Variants in CECR2 observed in about 807,000 individuals in gnomAD.
CECR2 encodes CECR2 histone acetyl-lysine reader.
CECR2 carries 30 observed loss-of-function variants against 154.5 expected under a neutral mutation model. The ratio of observed to expected loss-of-function variants is 0.19; its 90% CI spans 0.15 to 0.26. CECR2 has a LOEUF of 0.26. CECR2 is among the 10% of genes least tolerant of loss of function. The pLI is 1.00. For missense variants in CECR2, 1,743 were observed against 1,829.3 expected, an observed-to-expected ratio of 0.95 and a Z score of 0.86; for synonymous variants, 725 against 683.7, an observed-to-expected ratio of 1.06 and a Z score of -0.94.
intron 1 of CECR2, among the ~76,000 whole-genome samples, chr22:17,375,510 G>A (rs2063108179): frequency 6.6e-6 from 1 of 152,148 alleles, no homozygotes; most frequent in Non-Finnish European, 1.5e-5. Context: ...GCTTTTTAGT[G>A]CAATGAGACA....
intron 1 of CECR2, among the ~76,000 whole-genome samples, chr22:17,398,832 A>G (rs1367855163): frequency 1.3e-5 from 2 of 152,236 alleles, no homozygotes; most frequent in Admixed American, 6.5e-5. Context: ...TGGTAGTTAC[A>G]TTACAAAACA....
chr22:17,491,055 CTTCA>C (rs142280714), intron 2 of CECR2, among the ~76,000 whole-genome samples: 21,225 of 152,144 alleles, frequency 0.14, 1,810 homozygotes, highest in Non-Finnish European at 0.19. Flanking sequence ...TGAATCAGTA[CTTCA>C]TTCATTTTTA....
intron 1 of CECR2, among the ~76,000 whole-genome samples, chr22:17,440,204 A>G (rs533604536): frequency 6.7e-6 from 1 of 148,752 alleles, no homozygotes; most frequent in Admixed American, 6.8e-5. Context: ...AATTTATATA[A>G]AACTGTGTGT....
chr22:17,428,008 T>A (rs994023871), intron 1 of CECR2, among the ~76,000 whole-genome samples: 3 of 152,224 alleles, frequency 2.0e-5, no homozygotes, highest in African/African-American at 7.2e-5. Context: ...GACTTTTTAA[T>A]GATCGCCATT....
At chr22:17,479,092 A>T (rs1158690164) in intron 2 of CECR2, among the ~76,000 whole-genome samples, 1 of 152,202 alleles carries the variant, frequency 6.6e-6, no homozygotes. Context: ...CTGACAAGTT[A>T]TGTCTAGCTT....
intron 1 of CECR2, among the ~76,000 whole-genome samples, chr22:17,440,950 G>C (rs949063926): frequency 4.0e-5 from 6 of 151,626 alleles, no homozygotes; most frequent in East Asian, 1.9e-4. Context: ...ACTGTTTTTG[G>C]GGGGGAGGGG....
rs546071652 is a variant in CECR2, at chr22:17,542,966, G to A, written c.2823G>A (p.Pro941=). Residue 941 remains proline, a synonymous_variant, in exon 16 of 19, where the codon CCG becomes CCA. Coordinates refer to ENST00000262608, the MANE Select transcript of CECR2 (RefSeq NM_001290047.2). ...CCCTGGGCAACCCTGGGAGGGCACC[G>A]GAGAACAGTGAAGCACAAGAGCCTG... The part of the protein sequence containing the change: ...KPALGNPGRA[P]ENSEAQEPEN... The A allele has an allele frequency of 3.2e-5, 51 of 1,612,508 alleles. No homozygotes were observed. The highest frequency in any genetic ancestry group is 1.5e-4 in the African/African-American group (11 of 75,026).
chr22:17,392,993 TC>T (rs1291747244), intron 1 of CECR2, among the ~76,000 whole-genome samples: 1 of 152,202 alleles, frequency 6.6e-6, no homozygotes, highest in Non-Finnish European at 1.5e-5. Flanking sequence ...TCAGTTGAGA[TC>T]ACGCCACTGC....
intron 1 of CECR2, among the ~76,000 whole-genome samples, chr22:17,441,189 TC>T (rs1242161851): frequency 2.0e-5 from 3 of 152,166 alleles, no homozygotes; most frequent in African/African-American, 2.4e-5. Context: ...CCTCAGGTGA[TC>T]CGCCTGCCTT....
intron 1 of CECR2, among the ~76,000 whole-genome samples, chr22:17,456,932 G>A (rs548443917): frequency 4.6e-5 from 7 of 152,184 alleles, no homozygotes; most frequent in Non-Finnish European, 7.4e-5. Flanking sequence ...TAGAATAAGG[G>A]TAGAGTTTCA....
intron 1 of CECR2, among the ~76,000 whole-genome samples, chr22:17,405,526 G>A (rs2053969904): frequency 6.7e-6 from 1 of 149,924 alleles, no homozygotes; most frequent in African/African-American, 2.4e-5. Context: ...TGTGATCCCA[G>A]CTACTCCAGA....
intron 1 of CECR2, among the ~76,000 whole-genome samples, chr22:17,363,535 G>A (rs1435495715): frequency 2.0e-5 from 3 of 151,824 alleles, no homozygotes; most frequent in African/African-American, 7.3e-5. Context: ...CAAAGACAGG[G>A]TTTCACTATG....
At chr22:17,429,539 C>CCAAA (rs1555908465) in intron 1 of CECR2, among the ~76,000 whole-genome samples, 1 of 121,012 alleles carries the variant, frequency 8.3e-6, no homozygotes, top group African/African-American at 3.6e-5. Flanking sequence ...CCATCTCTAC[C>CCAAA]AAAAACAAAA....
rs376789433 is a variant in CECR2, at chr22:17,542,556, C to T, written c.2413C>T (p.Leu805Phe). The change falls in exon 16 of 19, where the codon CTC becomes TTC. Residue 805 changes from leucine (L) to phenylalanine (F), a missense_variant. This residue lies in a region of CECR2 where 1,250 missense variants were observed against 1,192.1 expected (regional missense o/e 1.05). Transcript: ENST00000262608. The part of the protein sequence containing the change: ...GPGPSHQPRT[L>F]GHVMDSRVMR... ...AGGACCCTCTCACCAGCCTCGCACTCTCGGTCACGTGATGGATTCCCGAGT... is the reference window on the plus strand; with the variant it reads ...AGGACCCTCTCACCAGCCTCGCACTTTCGGTCACGTGATGGATTCCCGAGT... 1.9e-6 allele frequency: 3 copies of T among 1,614,030 alleles called. No homozygotes were observed. The Admixed American group carries it at 5.0e-5, about 27-fold the overall frequency.
At chr22:17,500,208 C>CAAAAAAAAAAAAAAA (rs5844315) in intron 4 of CECR2, among the ~76,000 whole-genome samples, 1 of 116,008 alleles carries the variant, frequency 8.6e-6, no homozygotes. Context: ...GAGACTCCAT[C>CAAAAAAAAAAAAAAA]AAAAAAAAAA....
chr22:17,375,153 G>A (rs578155576), intron 1 of CECR2, among the ~76,000 whole-genome samples: 2 of 152,108 alleles, frequency 1.3e-5, no homozygotes, highest in African/African-American at 4.8e-5. Flanking sequence ...TCACTCTGTC[G>A]CCCAGGCTAG....
intron 1 of CECR2, among the ~76,000 whole-genome samples, chr22:17,395,440 G>A (rs1484889985): frequency 6.6e-6 from 1 of 152,066 alleles, no homozygotes; most frequent in East Asian, 1.9e-4. Flanking sequence ...CACCTCTTGA[G>A]TTCAAGTGGT....
Position 17,557,405 on chromosome 22 carries a change from TCCCAACATGC to T in CECR2, c.*4566_*4575del, listed in dbSNP as rs1297653485. 6.6e-6 allele frequency: 1 copy of T among 152,190 alleles called. No individual in the cohort carries two copies. 9.4% of individuals were successfully genotyped at this position (152,190 alleles called of 1,614,324 possible). A position where few individuals can be genotyped will look rare whatever the true frequency, so the allele number is the denominator to read the frequency against. On this transcript the variant is annotated 3_prime_UTR_variant, in exon 19 of 19. Coordinates refer to ENST00000262608, the MANE Select transcript of CECR2 (RefSeq NM_001290047.2). Reference sequence around the variant, plus strand: ...CTCAGGTGATCCACCCGCCTTGGCCTCCCAACATGCTGGGATTACAGGCGTGAGCCAACAC... The same window carrying T: ...CTCAGGTGATCCACCCGCCTTGGCCTTGGGATTACAGGCGTGAGCCAACAC...
intron 1 of CECR2, among the ~76,000 whole-genome samples, chr22:17,421,322 T>C (rs1601328618): frequency 6.6e-6 from 1 of 151,274 alleles, no homozygotes; most frequent in East Asian, 1.9e-4. Flanking sequence ...TACAAAAAAA[T>C]TAGCCAGGCA....
Sources: gnomAD v4.1 joint callset for allele counts (sites outside exome capture counted in the v4.1 genomes callset) on GRCh38, gnomAD v4.1.1 for gene constraint, gnomAD v4.1.1 regional missense constraint, MANE v1.5 for transcripts, NCBI Gene and HGNC (gene_info 2026-07-23, HGNC 2026-07-21) for gene names.